RNLS: variants seen among roughly 807,000 people sequenced by gnomAD.
The protein encoded by RNLS is renalase.
Under a neutral mutation model 39.8 loss-of-function variants are expected in RNLS, and 39 were observed. The ratio of observed to expected loss-of-function variants is 0.98; its 90% CI spans 0.76 to 1.28. RNLS has a LOEUF of 1.28. RNLS is among the 50% of genes most tolerant of loss of function. The probability of loss-of-function intolerance (pLI) is 0.00; values close to 1 mark genes in which losing one functional copy is unlikely to be tolerated. For missense variants in RNLS, 410 were observed against 413.3 expected, an observed-to-expected ratio of 0.99 and a Z score of 0.07; for synonymous variants, 147 against 150.7, an observed-to-expected ratio of 0.98 and a Z score of 0.18.
At chr10:88,222,253 A>G in the RNLS span, among the ~76,000 whole-genome samples, 1 of 152,188 alleles carries the variant, frequency 6.6e-6, no homozygotes, top group Non-Finnish European at 1.5e-5. Flanking sequence ...AGCTGTCCTA[A>G]TAGAAACAGG....
chr10:88,392,489 C>T (rs1259501274), intron 4 of RNLS, among the ~76,000 whole-genome samples: 1 of 152,130 alleles, frequency 6.6e-6, no homozygotes, highest in Non-Finnish European at 1.5e-5. Context: ...CACACAGAGC[C>T]CTTAGGCAAA....
At chr10:88,266,936 G>T in the RNLS span, among the ~76,000 whole-genome samples, 2 of 152,108 alleles carry the variant, frequency 1.3e-5, no homozygotes, top group Admixed American at 6.6e-5. Flanking sequence ...TTGCTCTGGG[G>T]ATCTGCAGTG....
chr10:88,438,956 T>C (rs1841560929), intron 4 of RNLS, among the ~76,000 whole-genome samples: 1 of 150,504 alleles, frequency 6.6e-6, no homozygotes, highest in Non-Finnish European at 1.5e-5. Context: ...AGTAACTGAC[T>C]GATATCACCG....
chr10:88,408,031 GA>G (rs1490502942), intron 4 of RNLS, among the ~76,000 whole-genome samples: 1 of 151,960 alleles, frequency 6.6e-6, no homozygotes, highest in Admixed American at 6.6e-5. Flanking sequence ...AAAGATGAAA[GA>G]AAAAGCAAGT....
chr10:88,505,096 T>C (rs920841688), intron 4 of RNLS, among the ~76,000 whole-genome samples: 1 of 151,852 alleles, frequency 6.6e-6, no homozygotes, highest in Admixed American at 6.6e-5. Flanking sequence ...ACCCAGATAT[T>C]GGCTTCTAAA....
intron 4 of RNLS, among the ~76,000 whole-genome samples, chr10:88,548,757 T>C (rs1198394661): frequency 1.3e-5 from 2 of 149,740 alleles, no homozygotes; most frequent in African/African-American, 2.4e-5. Context: ...TGTACATATA[T>C]GTAGCCCTAT....
the RNLS span, among the ~76,000 whole-genome samples, chr10:88,232,552 A>T: frequency 6.6e-6 from 1 of 152,138 alleles, no homozygotes; most frequent in Non-Finnish European, 1.5e-5. Flanking sequence ...AGTAGCTAGG[A>T]CTACAGGCAT....
the RNLS span, among the ~76,000 whole-genome samples, chr10:88,240,680 C>G: frequency 1.3e-5 from 2 of 152,242 alleles, no homozygotes; most frequent in Admixed American, 6.5e-5. Context: ...AATCCGCCCT[C>G]TCCTCTGTCT....
chr10:88,468,378 A>G (rs1285488439), intron 4 of RNLS, among the ~76,000 whole-genome samples: 2 of 152,164 alleles, frequency 1.3e-5, no homozygotes, highest in African/African-American at 4.8e-5. Flanking sequence ...CTGGACCAGG[A>G]GCATAGAATT....
chr10:88,187,170 AT>A, the RNLS span, among the ~76,000 whole-genome samples: 1 of 48,620 alleles, frequency 2.1e-5, no homozygotes, highest in African/African-American at 9.6e-5. Flanking sequence ...TATATATAAT[AT>A]ATATATAATA....
At chr10:88,260,742 G>C in the RNLS span, among the ~76,000 whole-genome samples, 1 of 152,220 alleles carries the variant, frequency 6.6e-6, no homozygotes. Context: ...CACTGGCAAA[G>C]AGAGTTGACT....
At chr10:88,291,294 T>C (rs1347729048) in intron 6 of RNLS, among the ~76,000 whole-genome samples, 3 of 152,202 alleles carry the variant, frequency 2.0e-5, no homozygotes, top group Non-Finnish European at 4.4e-5. Context: ...AACACTCCAC[T>C]TTCTCAGCTC....
the RNLS span, among the ~76,000 whole-genome samples, chr10:88,226,421 C>G: frequency 1.8e-3 from 278 of 152,278 alleles, 1 homozygote; most frequent in African/African-American, 6.4e-3. Context: ...CCAGCTCCAG[C>G]TGGGACTCAA....
intron 4 of RNLS, among the ~76,000 whole-genome samples, chr10:88,569,411 T>G (rs912338314): frequency 8.5e-5 from 13 of 152,146 alleles, no homozygotes; most frequent in African/African-American, 2.9e-4. Context: ...GATATTAGAT[T>G]GGACTTCCCA....
chr10:88,532,901 T>C (rs1219256698), intron 4 of RNLS, among the ~76,000 whole-genome samples: 3 of 152,068 alleles, frequency 2.0e-5, no homozygotes, highest in African/African-American at 7.2e-5. Context: ...ACTGACATGA[T>C]ATTTTAAGAA....
intron 5 of RNLS, among the ~76,000 whole-genome samples, chr10:88,347,962 G>GT (rs1848421404): frequency 6.6e-6 from 1 of 152,068 alleles, no homozygotes; most frequent in Admixed American, 6.6e-5. Flanking sequence ...AATAGCAAAA[G>GT]TAAGTTGCTA....
At chr10:88,271,045 A>G (rs1482045972), downstream of RNLS, among the ~76,000 whole-genome samples, 3 of 152,180 alleles carry the variant, frequency 2.0e-5, no homozygotes, top group Non-Finnish European at 2.9e-5. Context: ...CCAGGGGGTC[A>G]TCAAGAGGTC....
intron 4 of RNLS, among the ~76,000 whole-genome samples, chr10:88,430,881 C>T (rs1014442850): frequency 3.3e-5 from 5 of 151,592 alleles, no homozygotes; most frequent in Non-Finnish European, 7.4e-5. Flanking sequence ...ATTAAATTTG[C>T]TACAATGTTT....
chr10:88,326,632 A>G (rs1206344893), intron 5 of RNLS, among the ~76,000 whole-genome samples: 1 of 152,214 alleles, frequency 6.6e-6, no homozygotes, highest in Non-Finnish European at 1.5e-5. Context: ...AAAAGTGGAA[A>G]ATTTGCAGCC....
Sources: allele counts gnomAD v4.1 joint callset (sites outside exome capture counted in the v4.1 genomes callset), GRCh38; gene constraint gnomAD v4.1.1; transcripts MANE v1.5; gene names NCBI Gene and HGNC (gene_info 2026-07-23, HGNC 2026-07-21).